SCN11A: variants seen among roughly 807,000 people sequenced by gnomAD.
The protein encoded by SCN11A is sodium channel protein type 11 subunit alpha.
In SCN11A, 122 loss-of-function variants were observed where a neutral mutation model predicts 162.2. The observed-to-expected ratio is 0.75, with a 90% confidence interval of 0.65 to 0.87. The LOEUF is 0.87. Among genes scored for constraint, SCN11A ranks in the 40% least tolerant of loss-of-function variants. The pLI, the probability that SCN11A is intolerant of heterozygous loss-of-function variation, is 0.00. For synonymous variants in SCN11A, 758 were observed against 751.5 expected (o/e 1.01, Z -0.14); for missense variants, 2,015 against 2,181.6 (o/e 0.92, Z 1.52).
rs181047469 is a variant in SCN11A, at chr3:38,935,453, G to A, written c.489-8522C>T. Among the ~76,000 whole-genome samples the A allele has an allele frequency of 6.5e-3, 986 of 152,080 alleles. 8 individuals are homozygous for A. The highest frequency in any genetic ancestry group is 1.0e-2 in the Admixed American group (152 of 15,270). On this transcript the variant is annotated intron_variant, in intron 7 of 29. Coordinates refer to ENST00000302328, the MANE Select transcript of SCN11A (RefSeq NM_001349253.2). ...GAATCCAGGAGCTGGTTTTTTGAAA[G>A]GATCAACAAAACTGATAGATCCCTA...
intron 19 of SCN11A, among the ~76,000 whole-genome samples, chr3:38,889,312 C>A (rs1300528969): frequency 6.6e-6 from 1 of 151,870 alleles, no homozygotes; most frequent in Non-Finnish European, 1.5e-5. Context: ...GTAATCCCAG[C>A]TACTTGGGAG....
intron 28 of SCN11A, among the ~76,000 whole-genome samples, chr3:38,861,064 T>C (rs2064955914): frequency 1.3e-5 from 2 of 152,094 alleles, no homozygotes; most frequent in Admixed American, 1.3e-4. Context: ...AAAATCAATG[T>C]ACATAAAACA....
intron 1 of SCN11A, among the ~76,000 whole-genome samples, chr3:39,045,295 C>T (rs1195513354): frequency 2.0e-5 from 3 of 152,084 alleles, no homozygotes; most frequent in African/African-American, 7.2e-5. Context: ...CATTCTACAA[C>T]CCCAACACTA....
chr3:38,981,272 G>A (rs944837766), intron 2 of SCN11A, among the ~76,000 whole-genome samples: 2 of 152,074 alleles, frequency 1.3e-5, no homozygotes, highest in Non-Finnish European at 2.9e-5. Flanking sequence ...CATGTATTAC[G>A]GAAATTCTTA....
At chr3:38,966,603 G>A (rs1039072241) in intron 2 of SCN11A, among the ~76,000 whole-genome samples, 5 of 152,248 alleles carry the variant, frequency 3.3e-5, no homozygotes, top group African/African-American at 4.8e-5. Context: ...TGTATGTGTT[G>A]GGAACATTTC....
At chr3:38,948,901 G>T (rs1056980947) in intron 5 of SCN11A, among the ~76,000 whole-genome samples, 9 of 152,134 alleles carry the variant, frequency 5.9e-5, no homozygotes, top group Admixed American at 6.5e-5. Flanking sequence ...GAAGGCCCTG[G>T]AATCCTGGGG....
At chr3:39,005,159 C>T (rs1264405382) in intron 2 of SCN11A, among the ~76,000 whole-genome samples, 4 of 152,152 alleles carry the variant, frequency 2.6e-5, no homozygotes, top group African/African-American at 4.8e-5. Context: ...TGAATAACAT[C>T]GGTTTTTAAG....
At chr3:38,880,595 A>T (rs527255602) in intron 22 of SCN11A, among the ~76,000 whole-genome samples, 2 of 152,156 alleles carry the variant, frequency 1.3e-5, no homozygotes, top group South Asian at 4.2e-4. Flanking sequence ...AATCCTGCCA[A>T]CCCTGATGCC....
intron 16 of SCN11A, among the ~76,000 whole-genome samples, chr3:38,900,789 A>G (rs1172958364): frequency 1.3e-5 from 2 of 152,178 alleles, no homozygotes; most frequent in Non-Finnish European, 2.9e-5. Context: ...TAAAAAGGAG[A>G]GGCAGGAATT....
intron 13 of SCN11A, 82 bp from the exon 14 acceptor site, chr3:38,908,204 G>A (rs2125536223): frequency 8.1e-7 from 1 of 1,230,096 alleles, no homozygotes. Flanking sequence ...TGAGAGTGGT[G>A]AAAATCTCTC....
At position 38,885,283 on chromosome 3, in the gene SCN11A, CT is replaced by C; in HGVS notation, c.3064+4del. 6.4e-7 allele frequency: 1 copy of C among 1,557,292 alleles called. No individual in the cohort carries two copies. The highest frequency in any genetic ancestry group is 8.9e-7 in the Non-Finnish European group (1 of 1,128,246). Reference sequence around the variant, plus strand: ...TGAACTGGATGCAGAAATACTGCCACTTACCTTTGGGCAAACATCTCTCTGG... The same window carrying C: ...TGAACTGGATGCAGAAATACTGCCACTACCTTTGGGCAAACATCTCTCTGG... On this transcript the variant is annotated splice_donor_region_variant and intron_variant, in intron 21 of 29. Transcript: ENST00000302328.
intron 3 of SCN11A, among the ~76,000 whole-genome samples, chr3:38,957,040 C>T (rs916566090): frequency 1.3e-5 from 2 of 152,078 alleles, no homozygotes; most frequent in Admixed American, 1.3e-4. Flanking sequence ...AGGGACAATT[C>T]AAAAACTTCT....
intron 2 of SCN11A, among the ~76,000 whole-genome samples, chr3:39,001,534 C>T (rs2030809947): frequency 6.6e-6 from 1 of 152,190 alleles, no homozygotes; most frequent in African/African-American, 2.4e-5. Flanking sequence ...AGTTGATGGA[C>T]ATTTGGATTG....
chr3:38,957,449 C>T (rs1234060874), intron 3 of SCN11A, among the ~76,000 whole-genome samples: 1 of 152,184 alleles, frequency 6.6e-6, no homozygotes, highest in Non-Finnish European at 1.5e-5. Flanking sequence ...GACAGGCTCC[C>T]AATCCCCTTG....
intron 2 of SCN11A, among the ~76,000 whole-genome samples, chr3:39,023,931 C>G (rs2031516904): frequency 6.6e-6 from 1 of 152,170 alleles, no homozygotes; most frequent in African/African-American, 2.4e-5. Context: ...GCATTAGCCA[C>G]TGTGCCTGGC....
chr3:39,027,089 C>T (rs1056009630), intron 2 of SCN11A, among the ~76,000 whole-genome samples: 22 of 152,080 alleles, frequency 1.4e-4, no homozygotes, highest in African/African-American at 4.3e-4. Context: ...GAGGCCACTT[C>T]CAGGAATGGG....
In SCN11A at chr3:38,919,971, G is replaced by C. The variant is rs751477540; in HGVS notation, c.923C>G (p.Pro308Arg). Residue 308 changes from proline to arginine, a missense_variant, in exon 11 of 30, where the codon CCT becomes CGT. Transcript: ENST00000302328. ...DHCFEKKENS[P>R]EFKMCGIWMG... ...CCAGATGCCACACATTTTGAATTCAGGTGAATTTTCTTTCTTTTCAAAGCA... is the reference window on the plus strand; with the variant it reads ...CCAGATGCCACACATTTTGAATTCACGTGAATTTTCTTTCTTTTCAAAGCA... 1 of 1,613,322 alleles carries C rather than the reference G, an allele frequency of 6.2e-7. No homozygotes were observed. The highest frequency in any genetic ancestry group is 8.5e-7 in the Non-Finnish European group (1 of 1,179,578).
intron 2 of SCN11A, among the ~76,000 whole-genome samples, chr3:39,016,922 T>A (rs2031304880): frequency 6.6e-6 from 1 of 152,196 alleles, no homozygotes; most frequent in African/African-American, 2.4e-5. Context: ...TTTTAAAAGA[T>A]ATTTTTATTG....
chr3:38,921,053 T>A (rs1032077579), intron 10 of SCN11A, 23 bp downstream of exon 10: 14 of 1,605,538 alleles, frequency 8.7e-6, no homozygotes, highest in African/African-American at 1.3e-5. Flanking sequence ...AACCAAGGAG[T>A]GAAAGAAAGG....
Sources: gnomAD v4.1 joint callset for allele counts (sites outside exome capture counted in the v4.1 genomes callset) on GRCh38, gnomAD v4.1.1 for gene constraint, MANE v1.5 for transcripts, NCBI Gene and HGNC (gene_info 2026-07-23, HGNC 2026-07-21) for gene names.